The following AKAP19 variants were observed in gnomAD, a reference collection of about 807,000 sequenced individuals.
The protein encoded by AKAP19 is small A-kinase anchoring protein.
the AKAP19 span, among the ~76,000 whole-genome samples, chr2:190,184,036 G>A: frequency 6.6e-6 from 1 of 152,160 alleles, no homozygotes; most frequent in Non-Finnish European, 1.5e-5. Flanking sequence ...GTCGGTGGTT[G>A]AGAAGTAGAA....
chr2:190,138,833 C>G, the AKAP19 span, among the ~76,000 whole-genome samples: 1 of 152,178 alleles, frequency 6.6e-6, no homozygotes, highest in Non-Finnish European at 1.5e-5. Flanking sequence ...CGAGAAGACC[C>G]TCTTCATTTG....
At chr2:189,903,775 C>T in the AKAP19 span, among the ~76,000 whole-genome samples, 1 of 151,836 alleles carries the variant, frequency 6.6e-6, no homozygotes, top group East Asian at 1.9e-4. Context: ...AGTAGTTTTC[C>T]AACCCATGTT....
the AKAP19 span, among the ~76,000 whole-genome samples, chr2:189,993,645 T>C: frequency 1.3e-5 from 2 of 152,296 alleles, no homozygotes; most frequent in East Asian, 1.9e-4. Flanking sequence ...CTATTTTTGG[T>C]TGGCAGGTTT....
chr2:190,095,221 C>CA, the AKAP19 span, among the ~76,000 whole-genome samples: 20 of 148,498 alleles, frequency 1.3e-4, no homozygotes, highest in African/African-American at 3.0e-4. Flanking sequence ...GACTCTGTCT[C>CA]AAAAAAAAAG....
the AKAP19 span, among the ~76,000 whole-genome samples, chr2:189,914,208 T>C: frequency 6.6e-6 from 1 of 152,238 alleles, no homozygotes; most frequent in African/African-American, 2.4e-5. Flanking sequence ...AGTTAATTTC[T>C]CCTTCCCAAG....
chr2:190,169,490 G>T, the AKAP19 span, among the ~76,000 whole-genome samples: 1 of 152,194 alleles, frequency 6.6e-6, no homozygotes, highest in Non-Finnish European at 1.5e-5. Context: ...CAGTTTCACT[G>T]ATAACAGAGT....
the AKAP19 span, among the ~76,000 whole-genome samples, chr2:190,178,322 G>A: frequency 6.6e-6 from 1 of 152,222 alleles, no homozygotes; most frequent in African/African-American, 2.4e-5. The surrounding 1 kb of genome is among the most constrained non-coding windows in gnomAD (Gnocchi z 6.3). Context: ...CTGCAGTCCT[G>A]AGGAGAGAAG....
the AKAP19 span, among the ~76,000 whole-genome samples, chr2:190,118,046 T>A: frequency 1.3e-5 from 2 of 152,108 alleles, no homozygotes; most frequent in African/African-American, 4.8e-5. Context: ...TCACCACCGA[T>A]CCCACAGAAA....
At chr2:190,187,626 A>T in the AKAP19 span, among the ~76,000 whole-genome samples, 1 of 152,088 alleles carries the variant, frequency 6.6e-6, no homozygotes, top group Non-Finnish European at 1.5e-5. Flanking sequence ...TTGAGAGGCC[A>T]AGGCAGAAGG....
the AKAP19 span, among the ~76,000 whole-genome samples, chr2:190,016,690 G>A: frequency 2.0e-5 from 3 of 152,160 alleles, no homozygotes; most frequent in African/African-American, 7.2e-5. Context: ...GTTCACACTT[G>A]TTTTGTGGCC....
chr2:189,927,911 A>G, the AKAP19 span, among the ~76,000 whole-genome samples: 2 of 152,170 alleles, frequency 1.3e-5, no homozygotes, highest in Non-Finnish European at 2.9e-5. Flanking sequence ...CACTACCATC[A>G]TTGCAGAAAG....
the AKAP19 span, among the ~76,000 whole-genome samples, chr2:190,184,444 A>T: frequency 3.9e-5 from 6 of 152,240 alleles, no homozygotes; most frequent in Non-Finnish European, 8.8e-5. Flanking sequence ...TGGATAGTTG[A>T]TAAATAGGAA....
chr2:190,198,965 C>A, the AKAP19 span, among the ~76,000 whole-genome samples: 1 of 152,200 alleles, frequency 6.6e-6, no homozygotes, highest in Admixed American at 6.5e-5. Flanking sequence ...TAACCTTAAT[C>A]TGAGCTTCTG....
chr2:190,101,273 C>T, the AKAP19 span, among the ~76,000 whole-genome samples: 3 of 152,224 alleles, frequency 2.0e-5, no homozygotes, highest in South Asian at 6.2e-4. Flanking sequence ...TGTGTTCTTC[C>T]CTGTCACAGG....
chr2:190,133,144 A>C, the AKAP19 span, among the ~76,000 whole-genome samples: 4 of 147,426 alleles, frequency 2.7e-5, no homozygotes, highest in Non-Finnish European at 5.9e-5. Context: ...ATGCTGAGGC[A>C]GGAGAATAGC....
the AKAP19 span, among the ~76,000 whole-genome samples, chr2:189,992,670 A>G: frequency 1.3e-5 from 2 of 152,022 alleles, no homozygotes; most frequent in African/African-American, 2.4e-5. Flanking sequence ...ATGTGTTTCC[A>G]TTTGTTTGTG....
At chr2:190,133,396 G>A in the AKAP19 span, among the ~76,000 whole-genome samples, 11 of 151,990 alleles carry the variant, frequency 7.2e-5, no homozygotes, top group African/African-American at 2.7e-4. Flanking sequence ...GATATCACCT[G>A]ACACCTATTA....
chr2:190,028,512 C>T, the AKAP19 span, among the ~76,000 whole-genome samples: 1 of 152,068 alleles, frequency 6.6e-6, no homozygotes, highest in African/African-American at 2.4e-5. Flanking sequence ...TTTTATATCT[C>T]AGACAAAATG....
At chr2:190,188,841 AG>A in the AKAP19 span, among the ~76,000 whole-genome samples, 1 of 152,106 alleles carries the variant, frequency 6.6e-6, no homozygotes, top group Non-Finnish European at 1.5e-5. Context: ...ATAAATCTTG[AG>A]GCTTCTGTGG....
Sources: gnomAD v4.1 joint callset for allele counts (sites outside exome capture counted in the v4.1 genomes callset) on GRCh38, gnomAD v4.1.1 for gene constraint, Gnocchi (gnomAD v3.1) non-coding constraint, MANE v1.5 for transcripts, NCBI Gene and HGNC (gene_info 2026-07-23, HGNC 2026-07-21) for gene names.